CDH12: variants seen among roughly 807,000 people sequenced by gnomAD.
CDH12 encodes cadherin 12.
In CDH12, 41 loss-of-function variants were observed where a neutral mutation model predicts 74.1. That is an observed-to-expected ratio of 0.55 (90% CI 0.43 to 0.72). The LOEUF is 0.72. CDH12 is among the 30% of genes least tolerant of loss of function. CDH12 has a pLI of 0.00. For synonymous variants in CDH12, 399 were observed against 355.0 expected, an observed-to-expected ratio of 1.12 and a Z score of -1.39; for missense variants, 945 against 977.2, an observed-to-expected ratio of 0.97 and a Z score of 0.44.
chr5:22,633,766 T>C (rs188411890), intron 1 of CDH12, among the ~76,000 whole-genome samples: 109 of 152,296 alleles, frequency 7.2e-4, no homozygotes, highest in African/African-American at 2.5e-3. Flanking sequence ...CCAGCTTTCC[T>C]GGATCTCCAG....
At chr5:22,465,957 C>T (rs373218726) in intron 2 of CDH12, among the ~76,000 whole-genome samples, 4 of 152,192 alleles carry the variant, frequency 2.6e-5, no homozygotes, top group African/African-American at 9.6e-5. Flanking sequence ...TACTCTACCC[C>T]ACCAACACTT....
chr5:22,550,650 C>T lies in CDH12; in HGVS notation c.-522-45286G>A, dbSNP rs116725925. ...ATTTCTTTTTGTCCACACACTGCAA[C>T]TTAATGGTTTCTCTGATCTTATCCC... On this transcript the variant is annotated intron_variant, in intron 1 of 14. Transcript: ENST00000382254. Among the ~76,000 whole-genome samples the T allele has an allele frequency of 2.6e-3, 394 of 152,342 alleles. 1 individual carries two copies. Among genetic ancestry groups the T allele is most frequent in the African/African-American group, 8.1e-3 (336 of 41,578 alleles).
chr5:22,082,711 T>A (rs1742822829), intron 4 of CDH12, among the ~76,000 whole-genome samples: 1 of 152,164 alleles, frequency 6.6e-6, no homozygotes, highest in Admixed American at 6.6e-5. Flanking sequence ...ACAGTTTGCA[T>A]CAGGAAACAA....
chr5:21,911,305 A>G (rs1034050865), intron 6 of CDH12, among the ~76,000 whole-genome samples: 2 of 152,152 alleles, frequency 1.3e-5, no homozygotes, highest in African/African-American at 2.4e-5. Flanking sequence ...CTCAGACTAT[A>G]AATTAGAAGT....
chr5:22,662,301 T>G (rs539341648), intron 1 of CDH12, among the ~76,000 whole-genome samples: 2 of 152,296 alleles, frequency 1.3e-5, no homozygotes, highest in South Asian at 4.1e-4. Context: ...AGTTATGGCA[T>G]ATATATAACA....
intron 6 of CDH12, among the ~76,000 whole-genome samples, chr5:21,936,584 A>G (rs2150085897): frequency 6.6e-6 from 1 of 152,322 alleles, no homozygotes; most frequent in Non-Finnish European, 1.5e-5. Context: ...AGGTAAGAAT[A>G]TTATGGTGGG....
chr5:22,255,160 A>G (rs1272738579), intron 3 of CDH12, among the ~76,000 whole-genome samples: 1 of 151,766 alleles, frequency 6.6e-6, no homozygotes, highest in Non-Finnish European at 1.5e-5. Flanking sequence ...TCTGTTTGCT[A>G]TTTCTTGAAG....
intron 6 of CDH12, among the ~76,000 whole-genome samples, chr5:21,945,403 G>T (rs192750641): frequency 2.5e-5 from 3 of 119,240 alleles, no homozygotes; most frequent in African/African-American, 9.5e-5. Context: ...TCCAGCCTGG[G>T]CAACAGAGTG....
intron 1 of CDH12, among the ~76,000 whole-genome samples, chr5:22,573,699 AT>A (rs541751932): frequency 2.9e-3 from 437 of 151,960 alleles, no homozygotes; most frequent in African/African-American, 9.5e-3. Context: ...GTATTTGTGT[AT>A]TTTTTTTCTT....
At chr5:21,882,822 G>A in intron 6 of CDH12, 1 of 1,550,862 alleles carries the variant, frequency 6.4e-7, no homozygotes, top group Non-Finnish European at 8.9e-7. Flanking sequence ...AAAAGATGGT[G>A]TGACTGTTGC....
At chr5:21,949,286 T>TA (rs1327783341) in intron 6 of CDH12, among the ~76,000 whole-genome samples, 1 of 151,446 alleles carries the variant, frequency 6.6e-6, no homozygotes, top group African/African-American at 2.4e-5. Flanking sequence ...CCATCTCTAC[T>TA]AAAAATACAA....
chr5:21,895,011 T>C (rs1211685281), intron 6 of CDH12, among the ~76,000 whole-genome samples: 1 of 66,466 alleles, frequency 1.5e-5, no homozygotes, highest in Admixed American at 2.3e-4. Flanking sequence ...ACGTAGCAAA[T>C]AAATTGAAAA....
At chr5:22,287,084 A>C (rs1580483609) in intron 3 of CDH12, among the ~76,000 whole-genome samples, 1 of 152,212 alleles carries the variant, frequency 6.6e-6, no homozygotes, top group Admixed American at 6.5e-5. Context: ...GTCACTATGT[A>C]AATACAGATC....
At chr5:21,762,949 T>G (rs931898541) in intron 12 of CDH12, among the ~76,000 whole-genome samples, 5 of 150,452 alleles carry the variant, frequency 3.3e-5, no homozygotes, top group Non-Finnish European at 1.5e-5. Context: ...GGAATTTTGG[T>G]AAACCTCTTC....
intron 3 of CDH12, among the ~76,000 whole-genome samples, chr5:22,267,020 T>C (rs928347728): frequency 6.6e-6 from 1 of 152,138 alleles, no homozygotes; most frequent in Non-Finnish European, 1.5e-5. Flanking sequence ...TCCAATTGTG[T>C]ACATTTTTGA....
At chr5:22,031,862 C>T (rs1289064435) in intron 5 of CDH12, among the ~76,000 whole-genome samples, 1 of 151,952 alleles carries the variant, frequency 6.6e-6, no homozygotes, top group African/African-American at 2.4e-5. Flanking sequence ...TCACAGATGA[C>T]CATAACAGAG....
At position 22,023,549 on chromosome 5, in the gene CDH12, T is replaced by C. The variant is rs901677650; in HGVS notation, c.232-48164A>G. On this transcript the variant is annotated intron_variant, in intron 5 of 14. Transcript: ENST00000382254. ...ATATATATAATTCTCTGTATTTGTATATATATATACACACGAATATTCTCT... is the reference window on the plus strand; with the variant it reads ...ATATATATAATTCTCTGTATTTGTACATATATATACACACGAATATTCTCT... Among the ~76,000 whole-genome samples the C allele has an allele frequency of 5.3e-5, 8 of 151,690 alleles. No individual in the cohort carries two copies. The South Asian group carries it at 1.7e-3, about 32-fold the overall frequency.
chr5:22,153,445 A>AC lies in CDH12; in HGVS notation c.-187+59052_-187+59053insG, dbSNP rs1439046717. Among the ~76,000 whole-genome samples the AC allele has an allele frequency of 2.0e-3, 301 of 151,814 alleles. 1 individual carries two copies. Among genetic ancestry groups the AC allele is most frequent in the East Asian group, 3.9e-3 (20 of 5,140 alleles). On this transcript the variant is annotated intron_variant, in intron 4 of 14. Coordinates refer to ENST00000382254, the MANE Select transcript of CDH12 (RefSeq NM_004061.5). ...GCTTGTTTTTCTATTAGAGTTTGGAATGGGTCACCCATGCTCTGAGGCTCT... is the reference window on the plus strand; with the variant it reads ...GCTTGTTTTTCTATTAGAGTTTGGAACTGGGTCACCCATGCTCTGAGGCTCT...
Position 22,056,882 on chromosome 5 carries a change from G to A in CDH12, c.231+21564C>T, listed in dbSNP as rs74547509. On this transcript the variant is annotated intron_variant, in intron 5 of 14. Coordinates refer to ENST00000382254, the MANE Select transcript of CDH12 (RefSeq NM_004061.5). ...GTTTATTCCAAGCCGGAAAAGAGCC[G>A]ACAATTCTTCCATTGCACCTGCTGT... Among the ~76,000 whole-genome samples, 1,325 of 152,194 alleles carry A rather than the reference G, an allele frequency of 8.7e-3. 6 individuals carry two copies. Among genetic ancestry groups the A allele is most frequent in the Non-Finnish European group, 0.014 (957 of 67,988 alleles).
Sources: allele counts gnomAD v4.1 joint callset (sites outside exome capture counted in the v4.1 genomes callset), GRCh38; gene constraint gnomAD v4.1.1; transcripts MANE v1.5; gene names NCBI Gene and HGNC (gene_info 2026-07-23, HGNC 2026-07-21).